ANKRD12: variants seen among roughly 807,000 people sequenced by gnomAD.
ANKRD12 encodes the protein ankyrin repeat domain-containing protein 12.
Under a neutral mutation model 183.4 loss-of-function variants are expected in ANKRD12, and 85 were observed. The observed-to-expected ratio is 0.46, with a 90% CI of 0.39 to 0.56. The LOEUF (loss-of-function observed/expected upper bound fraction) is 0.56, where lower values mean the gene tolerates loss of function less well. Among genes scored for constraint, ANKRD12 ranks in the 20% least tolerant of loss-of-function variants. The probability of loss-of-function intolerance (pLI) is 0.00; values close to 1 mark genes in which losing one functional copy is unlikely to be tolerated. For missense variants in ANKRD12, 2,405 were observed against 2,357.1 expected (o/e 1.02, Z -0.42); for synonymous variants, 914 against 800.2 (o/e 1.14, Z -2.40).
chr18:9,234,438 T>C (rs1388703598), intron 8 of ANKRD12, among the ~76,000 whole-genome samples: 1 of 152,218 alleles, frequency 6.6e-6, no homozygotes, highest in Non-Finnish European at 1.5e-5. Context: ...CTCTGGGCTC[T>C]AGAAAGCTGT....
chr18:9,146,712 A>G (rs1269694009), intron 1 of ANKRD12, among the ~76,000 whole-genome samples: 1 of 152,188 alleles, frequency 6.6e-6, no homozygotes, highest in African/African-American at 2.4e-5. Context: ...AAAACAGTTT[A>G]TAATTCTAAG....
rs566175980 is a variant in ANKRD12, at chr18:9,282,157, G to A, written c.*1031G>A. On this transcript the variant is annotated 3_prime_UTR_variant, in exon 13 of 13. Transcript: ENST00000262126. ...CCTATGAAAGAATCTGTGAATATAT[G>A]TAAATACGTTTAATAAATTTTATTG... is the stretch of plus-strand genomic sequence containing the variant. The A allele has an allele frequency of 7.9e-5, 12 of 152,688 alleles. No individual in the cohort carries two copies. The South Asian group carries it at 2.3e-3, about 29-fold the overall frequency. The allele number at this position is 152,688 out of a possible 1,614,324, so 9.5% of individuals were successfully genotyped here.
At chr18:9,237,546 A>G (rs2037416575) in intron 8 of ANKRD12, among the ~76,000 whole-genome samples, 1 of 152,184 alleles carries the variant, frequency 6.6e-6, no homozygotes, top group Non-Finnish European at 1.5e-5. Context: ...ACCATAAACT[A>G]TTGCACAGCC....
intron 4 of ANKRD12, among the ~76,000 whole-genome samples, chr18:9,207,424 G>T (rs970616931): frequency 8.6e-5 from 13 of 151,952 alleles, no homozygotes; most frequent in African/African-American, 3.1e-4. Flanking sequence ...TGAAAGATTT[G>T]TGGACAGCAG....
chr18:9,137,234 C>T (rs926820529), intron 1 of ANKRD12: 5 of 148,768 alleles, frequency 3.4e-5, no homozygotes, highest in Non-Finnish European at 7.5e-5. Flanking sequence ...CCCGCCGCCG[C>T]CCCTCCCGGC....
At position 9,279,422 on chromosome 18, in the gene ANKRD12, T is replaced by A. The variant is rs1398141899; in HGVS notation, c.5908-127T>A. On this transcript the variant is annotated intron_variant, in intron 11 of 12. Transcript: ENST00000262126. ...TTTACCAACTTCAGCAGTATTCAAT[T>A]TATATATTTCTCAAAATATATTTTC... The A allele has an allele frequency of 1.3e-5, 8 of 606,450 alleles. No homozygotes were observed. In the African/African-American group the frequency reaches 1.4e-4, roughly 10 times the overall value. 37.6% of individuals were successfully genotyped at this position (606,450 alleles called of 1,614,324 possible).
At chr18:9,174,648 C>T (rs2144051892) in intron 1 of ANKRD12, among the ~76,000 whole-genome samples, 1 of 152,330 alleles carries the variant, frequency 6.6e-6, no homozygotes, top group Middle Eastern at 3.4e-3. Flanking sequence ...GCCATTGCCA[C>T]ACCCTGCTTT....
chr18:9,197,819 C>A (rs1283712602), intron 3 of ANKRD12, among the ~76,000 whole-genome samples: 3 of 152,144 alleles, frequency 2.0e-5, no homozygotes, highest in Non-Finnish European at 4.4e-5. Flanking sequence ...TGCAGGGAGG[C>A]AGAAGAAAAT....
intron 1 of ANKRD12, 174 bp downstream of exon 1, chr18:9,137,139 C>T (rs1290882971): frequency 6.6e-6 from 1 of 151,840 alleles, no homozygotes; most frequent in East Asian, 1.9e-4. Context: ...CCCGACGCGC[C>T]GCCCGCCCAG....
intron 7 of ANKRD12, among the ~76,000 whole-genome samples, chr18:9,219,456 T>C (rs569738372): frequency 6.6e-6 from 1 of 152,272 alleles, no homozygotes; most frequent in East Asian, 1.9e-4. Flanking sequence ...AAGAAACAAA[T>C]ATTTTGGAAG....
At chr18:9,237,919 G>C (rs1433281568) in intron 8 of ANKRD12, among the ~76,000 whole-genome samples, 1 of 152,030 alleles carries the variant, frequency 6.6e-6, no homozygotes, top group Non-Finnish European at 1.5e-5. Flanking sequence ...CTGCATCCCC[G>C]TTTATTTAAT....
chr18:9,245,153 G>A (rs937032552), intron 8 of ANKRD12, among the ~76,000 whole-genome samples: 3 of 151,896 alleles, frequency 2.0e-5, no homozygotes, highest in African/African-American at 7.3e-5. Flanking sequence ...TAATTCTACC[G>A]TTGAAAGAAT....
At chr18:9,199,225 C>A (rs1336754255) in intron 3 of ANKRD12, among the ~76,000 whole-genome samples, 1 of 151,944 alleles carries the variant, frequency 6.6e-6, no homozygotes, top group East Asian at 1.9e-4. Flanking sequence ...CCTGGTAGGT[C>A]GAGGCTACAG....
intron 8 of ANKRD12, among the ~76,000 whole-genome samples, chr18:9,247,528 T>C (rs2145081566): frequency 6.6e-6 from 1 of 152,312 alleles, no homozygotes; most frequent in South Asian, 2.1e-4. Flanking sequence ...TGATTAAGTG[T>C]ACTACAATAT....
At chr18:9,239,922 G>T (rs1241511819) in intron 8 of ANKRD12, among the ~76,000 whole-genome samples, 1 of 152,196 alleles carries the variant, frequency 6.6e-6, no homozygotes, top group Non-Finnish European at 1.5e-5. Flanking sequence ...CTTTATGCCA[G>T]TGCTACTCAG....
At chr18:9,270,327 G>A (rs940256932) in intron 10 of ANKRD12, among the ~76,000 whole-genome samples, 5 of 152,040 alleles carry the variant, frequency 3.3e-5, no homozygotes, top group Non-Finnish European at 4.4e-5. Context: ...TGTTTATTGC[G>A]GCACTATTCA....
At chr18:9,232,304 C>G (rs2037098050) in intron 8 of ANKRD12, among the ~76,000 whole-genome samples, 1 of 152,160 alleles carries the variant, frequency 6.6e-6, no homozygotes, top group African/African-American at 2.4e-5. Flanking sequence ...TCTGTTAAGG[C>G]AGGTCTAGTG....
At chr18:9,272,829 G>T (rs769273332) in intron 10 of ANKRD12, among the ~76,000 whole-genome samples, 59 of 151,898 alleles carry the variant, frequency 3.9e-4, no homozygotes, top group African/African-American at 1.4e-3. Context: ...ATGTTTCTTT[G>T]TTTTTTTCAT....
intron 1 of ANKRD12, among the ~76,000 whole-genome samples, chr18:9,151,070 ATTAC>A (rs1029515063): frequency 1.8e-4 from 28 of 152,208 alleles, no homozygotes; most frequent in African/African-American, 5.8e-4. Context: ...AAAATTAACT[ATTAC>A]TTTAGGAAAA....
Sources: allele counts gnomAD v4.1 joint callset (sites outside exome capture counted in the v4.1 genomes callset), GRCh38; gene constraint gnomAD v4.1.1; transcripts MANE v1.5; gene names NCBI Gene and HGNC (gene_info 2026-07-23, HGNC 2026-07-21).